The following LTBP1 variants were observed in gnomAD, a reference collection of about 807,000 sequenced individuals.
The protein encoded by LTBP1 is latent transforming growth factor beta binding protein 1.
A neutral mutation model predicts 207.6 loss-of-function variants in LTBP1; 129 were observed. That is an observed-to-expected ratio of 0.62 (90% CI 0.54 to 0.72). The LOEUF is 0.72. Ranked by LOEUF, LTBP1 falls within the 30% of genes least tolerant of loss-of-function variation. LTBP1 has a pLI of 0.00. For missense variants in LTBP1, 2,281 were observed against 2,217.2 expected (o/e 1.03, Z -0.58); for synonymous variants, 963 against 833.7 (o/e 1.16, Z -2.67).
chr2:33,046,213 C>T (rs1437026154), intron 3 of LTBP1, among the ~76,000 whole-genome samples: 2 of 152,090 alleles, frequency 1.3e-5, no homozygotes, highest in African/African-American at 4.8e-5. Flanking sequence ...GGAATGCTTC[C>T]AGTTTTTGCC....
chr2:33,278,584 T>C (rs914276744), intron 18 of LTBP1, among the ~76,000 whole-genome samples: 10 of 152,174 alleles, frequency 6.6e-5, no homozygotes, highest in Admixed American at 3.9e-4. Context: ...TCCTAATTTA[T>C]AGAAGAGGGG....
At chr2:33,362,110 C>T (rs1183257887) in intron 28 of LTBP1, among the ~76,000 whole-genome samples, 1 of 152,092 alleles carries the variant, frequency 6.6e-6, no homozygotes, top group Non-Finnish European at 1.5e-5. Flanking sequence ...TGGTGAATAT[C>T]CACATGTATG....
chr2:32,962,584 G>T (rs1347500803), intron 2 of LTBP1, among the ~76,000 whole-genome samples: 1 of 152,214 alleles, frequency 6.6e-6, no homozygotes, highest in African/African-American at 2.4e-5. Context: ...TTAAATCAAT[G>T]AATACTGAGA....
chr2:33,104,884 C>G (rs1386342754), intron 3 of LTBP1, among the ~76,000 whole-genome samples: 3 of 152,138 alleles, frequency 2.0e-5, no homozygotes, highest in African/African-American at 2.4e-5. Flanking sequence ...CTCAGCACGC[C>G]TCATTGCACT....
chr2:33,298,569 A>T (rs1040375609), intron 20 of LTBP1, among the ~76,000 whole-genome samples: 3 of 152,210 alleles, frequency 2.0e-5, no homozygotes, highest in African/African-American at 7.2e-5. Context: ...TATTTTATAG[A>T]ATGTGCTAAA....
At chr2:33,140,621 A>G (rs11680259) in intron 5 of LTBP1, among the ~76,000 whole-genome samples, 3,199 of 152,040 alleles carry the variant, frequency 0.021, 50 homozygotes, top group Non-Finnish European at 0.034. Flanking sequence ...AATAAATGTC[A>G]TAATGTAGAG....
At position 33,360,727 on chromosome 2, in the gene LTBP1, C is replaced by A; in HGVS notation, c.4131C>A (p.Gly1377=). The change falls in exon 27 of 34, where the codon GGC becomes GGA. Residue 1377 remains glycine (G), a synonymous_variant. Coordinates refer to ENST00000404816, the MANE Select transcript of LTBP1 (RefSeq NM_206943.4). ...VTKQECCCTS[G]VGWGDNCEIF... ...AACAAGAATGCTGCTGTACATCAGG[C>A]GTGGGATGGGGAGATAACTGCGAAA... The A allele has an allele frequency of 3.7e-6, 6 of 1,613,902 alleles. No individual in the cohort carries two copies. Among genetic ancestry groups the A allele is most frequent in the Non-Finnish European group, 5.1e-6 (6 of 1,179,818 alleles).
intron 3 of LTBP1, among the ~76,000 whole-genome samples, chr2:33,044,916 G>C (rs1265896170): frequency 6.6e-6 from 1 of 152,152 alleles, no homozygotes; most frequent in South Asian, 2.1e-4. Context: ...CTTCTTTAGA[G>C]AAGTGTCTGT....
intron 18 of LTBP1, among the ~76,000 whole-genome samples, chr2:33,276,215 T>A (rs560363094): frequency 3.0e-4 from 45 of 152,334 alleles, no homozygotes; most frequent in African/African-American, 8.2e-4. Flanking sequence ...AACACAGACT[T>A]AATTACAGAG....
chr2:33,146,085 A>G (rs2083008137), intron 5 of LTBP1, among the ~76,000 whole-genome samples: 1 of 152,214 alleles, frequency 6.6e-6, no homozygotes, highest in African/African-American at 2.4e-5. Context: ...TAAAAGCACT[A>G]AAAGGACTAA....
intron 9 of LTBP1, among the ~76,000 whole-genome samples, chr2:33,231,189 T>C (rs1339548636): frequency 1.3e-5 from 2 of 152,238 alleles, no homozygotes; most frequent in Non-Finnish European, 2.9e-5. Flanking sequence ...TAGCTGAATT[T>C]TAGCTGGCTC....
At chr2:33,118,748 C>G (rs145055134) in intron 4 of LTBP1, among the ~76,000 whole-genome samples, 1 of 152,266 alleles carries the variant, frequency 6.6e-6, no homozygotes, top group East Asian at 1.9e-4. Flanking sequence ...AGTTCATGAG[C>G]AGTCTTGCCA....
intron 22 of LTBP1, among the ~76,000 whole-genome samples, chr2:33,307,232 C>G (rs1467694138): frequency 6.6e-6 from 1 of 152,130 alleles, no homozygotes; most frequent in Non-Finnish European, 1.5e-5. Context: ...AACAGTTTTT[C>G]AAAACTTAAA....
At chr2:33,214,400 G>T (rs17012680) in intron 7 of LTBP1, among the ~76,000 whole-genome samples, 17,730 of 152,138 alleles carry the variant, frequency 0.12, 1,675 homozygotes, top group African/African-American at 0.26. Context: ...TAAGGTTCCC[G>T]TTTGTTCTCA....
intron 3 of LTBP1, chr2:33,056,625 G>T: frequency 3.9e-6 from 1 of 255,362 alleles, no homozygotes; most frequent in Middle Eastern, 1.2e-3. Flanking sequence ...CGTGTCCGGA[G>T]TTTGTTCCTT....
chr2:33,307,724 G>A (rs1363967161), intron 22 of LTBP1, among the ~76,000 whole-genome samples: 1 of 152,194 alleles, frequency 6.6e-6, no homozygotes, highest in African/African-American at 2.4e-5. Context: ...TTGAGAACCT[G>A]CCTTAGTTGA....
chr2:33,378,181 A>G (rs1409663911), intron 31 of LTBP1, among the ~76,000 whole-genome samples: 1 of 115,924 alleles, frequency 8.6e-6, no homozygotes, highest in Non-Finnish European at 1.8e-5. Flanking sequence ...TCATATATAT[A>G]TATATGTGTG....
At chr2:33,141,413 A>G (rs903657908) in intron 5 of LTBP1, among the ~76,000 whole-genome samples, 3 of 152,212 alleles carry the variant, frequency 2.0e-5, no homozygotes, top group African/African-American at 7.2e-5. Flanking sequence ...TAAGAATAGT[A>G]AAGATGGTAC....
chr2:33,109,131 A>C (rs1276106823), intron 3 of LTBP1, among the ~76,000 whole-genome samples: 1 of 152,222 alleles, frequency 6.6e-6, no homozygotes, highest in Non-Finnish European at 1.5e-5. Context: ...TTTATCTCTC[A>C]TGAATGCCTT....
Sources: allele counts gnomAD v4.1 joint callset (sites outside exome capture counted in the v4.1 genomes callset), GRCh38; gene constraint gnomAD v4.1.1; transcripts MANE v1.5; gene names NCBI Gene and HGNC (gene_info 2026-07-23, HGNC 2026-07-21).